The following ADCK1 variants were observed in gnomAD, a reference collection of about 807,000 sequenced individuals.
ADCK1 encodes aarF domain-containing protein kinase 1.
In ADCK1, 41 loss-of-function variants were observed where a neutral mutation model predicts 52.3. The observed-to-expected ratio is 0.78, with a 90% CI of 0.61 to 1.02. The LOEUF (loss-of-function observed/expected upper bound fraction) is 1.02. Among genes scored for constraint, ADCK1 ranks in the 50% least tolerant of loss-of-function variants. The pLI, the probability that ADCK1 is intolerant of heterozygous loss-of-function variation, is 0.00. For synonymous variants in ADCK1, 250 were observed against 274.6 expected (o/e 0.91, Z 0.89); for missense variants, 658 against 679.5 (o/e 0.97, Z 0.35).
intron 2 of ADCK1, among the ~76,000 whole-genome samples, chr14:77,820,341 A>AT (rs71128691): frequency 1.5e-3 from 225 of 151,200 alleles, no homozygotes; most frequent in Admixed American, 2.6e-3. Flanking sequence ...TTAAATCTTT[A>AT]TTTTTTTGAG....
intron 7 of ADCK1, among the ~76,000 whole-genome samples, chr14:77,919,219 T>C (rs920236147): frequency 1.3e-5 from 2 of 152,304 alleles, no homozygotes; most frequent in Non-Finnish European, 2.9e-5. Context: ...CAGGCCCCAA[T>C]GTGTAGTCTT....
At chr14:77,825,820 G>T (rs938210525) in intron 3 of ADCK1, among the ~76,000 whole-genome samples, 9 of 152,034 alleles carry the variant, frequency 5.9e-5, no homozygotes, top group Non-Finnish European at 2.9e-5. Flanking sequence ...GGATCTCAAA[G>T]TCCCTGCTTC....
At chr14:77,879,132 C>G (rs1457186832) in intron 4 of ADCK1, among the ~76,000 whole-genome samples, 1 of 152,116 alleles carries the variant, frequency 6.6e-6, no homozygotes, top group Non-Finnish European at 1.5e-5. Context: ...TGTTTCAGCT[C>G]CCCTGGATCA....
intron 3 of ADCK1, among the ~76,000 whole-genome samples, chr14:77,854,174 C>T (rs1329077586): frequency 6.6e-6 from 1 of 152,160 alleles, no homozygotes; most frequent in African/African-American, 2.4e-5. Context: ...TTAGCCTTGC[C>T]ATTTTCTAAG....
intron 5 of ADCK1, among the ~76,000 whole-genome samples, chr14:77,896,133 A>G (rs1252953222): frequency 1.3e-5 from 2 of 151,796 alleles, no homozygotes; most frequent in East Asian, 3.8e-4. Flanking sequence ...AGTGTTAATA[A>G]TAATGAATAG....
chr14:77,883,346 T>C (rs1386680643), intron 4 of ADCK1, among the ~76,000 whole-genome samples: 2 of 142,822 alleles, frequency 1.4e-5, no homozygotes, highest in Non-Finnish European at 3.0e-5. Flanking sequence ...GGTTTTCTGC[T>C]GAAAGGGCTG....
chr14:77,915,910 C>G (rs1434720861), intron 7 of ADCK1, among the ~76,000 whole-genome samples: 1 of 152,200 alleles, frequency 6.6e-6, no homozygotes, highest in Non-Finnish European at 1.5e-5. Context: ...GAGTAACCCA[C>G]TGGATCGTTT....
intron 6 of ADCK1, chr14:77,900,607 A>AC (rs3082719): frequency 1.3e-5 from 6 of 455,522 alleles, no homozygotes; most frequent in Admixed American, 4.7e-5. Flanking sequence ...AACAACAACA[A>AC]AAAAGAAATG....
At chr14:77,894,107 A>G (rs2083344345) in intron 5 of ADCK1, among the ~76,000 whole-genome samples, 4 of 152,330 alleles carry the variant, frequency 2.6e-5, no homozygotes, top group East Asian at 3.9e-4. Flanking sequence ...CACAGAATCC[A>G]ACAGCGATTT....
At chr14:77,919,587 CT>C (rs2084002344) in intron 7 of ADCK1, among the ~76,000 whole-genome samples, 1 of 152,190 alleles carries the variant, frequency 6.6e-6, no homozygotes, top group Non-Finnish European at 1.5e-5. Context: ...TTCTTTTCCT[CT>C]GGATAGACAC....
chr14:77,912,868 T>G (rs930378551), intron 7 of ADCK1, among the ~76,000 whole-genome samples: 1 of 152,100 alleles, frequency 6.6e-6, no homozygotes, highest in Non-Finnish European at 1.5e-5. Context: ...CCCAATAGAC[T>G]TGGATAGGGA....
At chr14:77,862,131 G>T (rs1222266241) in intron 4 of ADCK1, among the ~76,000 whole-genome samples, 2 of 152,232 alleles carry the variant, frequency 1.3e-5, no homozygotes, top group African/African-American at 4.8e-5. Context: ...GTGTGTCTGT[G>T]TGTATCTTGG....
In ADCK1 at chr14:77,925,822, C is replaced by T. The variant is rs540562685; in HGVS notation, c.1067C>T (p.Thr356Ile). The change falls in exon 9 of 11, where the codon ACT becomes ATT. Residue 356 changes from threonine (T) to isoleucine (I), a missense_variant. Physicochemically the swap from Thr to Ile is moderately conservative, Grantham distance 89. Coordinates refer to ENST00000238561, the MANE Select transcript of ADCK1 (RefSeq NM_020421.4). ...YCHLWQSLIW[T>I]DMKRVKEYSQ... Reference sequence around the variant, plus strand: ...CACCTCTGGCAGTCTCTGATCTGGACTGACATGAAGAGAGTGAAGGAGTAC... The same window carrying T: ...CACCTCTGGCAGTCTCTGATCTGGATTGACATGAAGAGAGTGAAGGAGTAC... 2 of 1,614,194 alleles carry T rather than the reference C, an allele frequency of 1.2e-6. No individual in the cohort carries two copies. The highest frequency in any genetic ancestry group is 2.2e-5 in the South Asian group (2 of 91,088).
intron 1 of ADCK1, among the ~76,000 whole-genome samples, chr14:77,812,817 T>G (rs1287959234): frequency 6.6e-6 from 1 of 151,830 alleles, no homozygotes; most frequent in African/African-American, 2.4e-5. Context: ...CTCGAACTCC[T>G]GGGCTCAAGT....
intron 1 of ADCK1, among the ~76,000 whole-genome samples, chr14:77,809,260 G>A (rs2081288861): frequency 1.3e-5 from 2 of 152,268 alleles, no homozygotes; most frequent in South Asian, 4.1e-4. Context: ...AGTCAGTTTG[G>A]AATGGAGAAT....
At chr14:77,871,466 T>C (rs574718979) in intron 4 of ADCK1, among the ~76,000 whole-genome samples, 1 of 152,228 alleles carries the variant, frequency 6.6e-6, no homozygotes, top group South Asian at 2.1e-4. Flanking sequence ...CAAGCGATTG[T>C]CCCGCCTCAG....
At chr14:77,857,005 C>G (rs1306059121) in intron 3 of ADCK1, among the ~76,000 whole-genome samples, 1 of 151,640 alleles carries the variant, frequency 6.6e-6, no homozygotes, top group East Asian at 1.9e-4. Flanking sequence ...AAAAGTCTAG[C>G]AAAGCTTGAA....
intron 4 of ADCK1, among the ~76,000 whole-genome samples, chr14:77,871,132 A>G (rs1251646693): frequency 6.6e-6 from 1 of 152,172 alleles, no homozygotes; most frequent in African/African-American, 2.4e-5. Flanking sequence ...CAATAATTTG[A>G]GTAAAAGTGA....
At chr14:77,824,829 A>T (rs1274082627) in intron 3 of ADCK1, among the ~76,000 whole-genome samples, 1 of 152,226 alleles carries the variant, frequency 6.6e-6, no homozygotes, top group African/African-American at 2.4e-5. Flanking sequence ...CATCTTTAAA[A>T]GTCTATAACA....
Sources: allele counts gnomAD v4.1 joint callset (sites outside exome capture counted in the v4.1 genomes callset), GRCh38; gene constraint gnomAD v4.1.1; transcripts MANE v1.5; gene names NCBI Gene and HGNC (gene_info 2026-07-23, HGNC 2026-07-21).